The following ERC2 variants were observed in gnomAD, a reference collection of about 807,000 sequenced individuals.
ERC2 encodes ELKS/RAB6-interacting/CAST family member 2, also known as ERC protein 2.
In ERC2, 42 loss-of-function variants were observed where a neutral mutation model predicts 114.8. The observed-to-expected ratio is 0.37, with a 90% CI of 0.29 to 0.47. The LOEUF (loss-of-function observed/expected upper bound fraction) is 0.47. Among genes scored for constraint, ERC2 ranks in the 20% least tolerant of loss-of-function variants. The pLI, the probability that ERC2 is intolerant of heterozygous loss-of-function variation, is 0.99. For synonymous variants in ERC2, 454 were observed against 425.5 expected, an observed-to-expected ratio of 1.07 and a Z score of -0.82; for missense variants, 939 against 1,150.7, an observed-to-expected ratio of 0.82 and a Z score of 2.66.
chr3:56,382,681 T>G (rs1004585299), intron 2 of ERC2, among the ~76,000 whole-genome samples: 1 of 152,186 alleles, frequency 6.6e-6, no homozygotes, highest in Non-Finnish European at 1.5e-5. Context: ...CTCTTAATGT[T>G]GCAATATCGC....
At chr3:56,000,550 C>T (rs2071957983) in intron 10 of ERC2, among the ~76,000 whole-genome samples, 1 of 152,186 alleles carries the variant, frequency 6.6e-6, no homozygotes, top group South Asian at 2.1e-4. Flanking sequence ...AAAACCTCAA[C>T]TTCAGTAGTT....
chr3:55,802,966 A>G (rs1431420015), intron 14 of ERC2, among the ~76,000 whole-genome samples: 1 of 152,230 alleles, frequency 6.6e-6, no homozygotes, highest in Non-Finnish European at 1.5e-5. Flanking sequence ...TTGACCGTAT[A>G]TCATTACGAT....
rs75428843 is a variant in ERC2, at chr3:55,872,661, C to T, written c.2564+15728G>A. ...GTTTATGTCCCCAGAGAAAAGAAAACGGCTCTGATTGATGGCCAAGTGTCC... is the reference window on the plus strand; with the variant it reads ...GTTTATGTCCCCAGAGAAAAGAAAATGGCTCTGATTGATGGCCAAGTGTCC... On this transcript the variant is annotated intron_variant, in intron 14 of 17. Coordinates refer to ENST00000288221, the MANE Select transcript of ERC2 (RefSeq NM_015576.3). Among the ~76,000 whole-genome samples the T allele has an allele frequency of 3.3e-4, 51 of 152,256 alleles. No homozygotes were observed. The East Asian group carries it at 5.8e-3, about 17-fold the overall frequency.
chr3:56,045,190 T>A (rs1006925612), intron 7 of ERC2, among the ~76,000 whole-genome samples: 1 of 152,198 alleles, frequency 6.6e-6, no homozygotes, highest in Non-Finnish European at 1.5e-5. Context: ...CATTTTACCC[T>A]CATCAGACTA....
chr3:55,767,832 T>C (rs1392444138), intron 14 of ERC2, among the ~76,000 whole-genome samples: 1 of 152,192 alleles, frequency 6.6e-6, no homozygotes, highest in East Asian at 1.9e-4. Context: ...TCAACAAACA[T>C]TTGGGGGTCT....
At chr3:56,442,231 T>A (rs2062350070) in intron 1 of ERC2, among the ~76,000 whole-genome samples, 1 of 152,104 alleles carries the variant, frequency 6.6e-6, no homozygotes. Flanking sequence ...TTTTTTTATT[T>A]ATTTTTAAGG....
intron 17 of ERC2, among the ~76,000 whole-genome samples, chr3:55,597,116 C>T (rs183526502): frequency 2.6e-5 from 4 of 152,260 alleles, no homozygotes; most frequent in Admixed American, 2.0e-4. Context: ...ATCTGCACTT[C>T]TGTGTTAAAA....
intron 17 of ERC2, among the ~76,000 whole-genome samples, chr3:55,663,387 G>T (rs1054143223): frequency 1.3e-5 from 2 of 152,232 alleles, no homozygotes; most frequent in African/African-American, 4.8e-5. Context: ...AGTGGGGCTA[G>T]AATCGATGAT....
chr3:55,571,585 C>T (rs1218855513), intron 17 of ERC2, among the ~76,000 whole-genome samples: 1 of 152,206 alleles, frequency 6.6e-6, no homozygotes. Flanking sequence ...GCCTTGCTCG[C>T]CTTTCCCACA....
rs143300408 is a variant in ERC2, at chr3:55,758,100, T to C, written c.2565-23182A>G. Among the ~76,000 whole-genome samples, 170 of 152,316 alleles carry C rather than the reference T, an allele frequency of 1.1e-3. No homozygotes were observed. In the East Asian group the frequency reaches 0.028, roughly 25 times the overall value. ...AGCTATCCAATATTTCCCAGCAATTTTGTGAATTGTGCCAGGTGATTCCAA... is the reference window on the plus strand; with the variant it reads ...AGCTATCCAATATTTCCCAGCAATTCTGTGAATTGTGCCAGGTGATTCCAA... On this transcript the variant is annotated intron_variant, in intron 14 of 17. Coordinates refer to ENST00000288221, the MANE Select transcript of ERC2 (RefSeq NM_015576.3).
intron 6 of ERC2, among the ~76,000 whole-genome samples, chr3:56,085,207 C>A (rs1489772616): frequency 6.6e-6 from 1 of 152,112 alleles, no homozygotes; most frequent in Non-Finnish European, 1.5e-5. Flanking sequence ...TTGCTCCTTG[C>A]CAAGAAAGGG....
chr3:55,784,450 C>T (rs1240169761), intron 14 of ERC2, among the ~76,000 whole-genome samples: 1 of 152,110 alleles, frequency 6.6e-6, no homozygotes. Context: ...AAAAGGCTGC[C>T]TAGTGAGGTC....
intron 2 of ERC2, among the ~76,000 whole-genome samples, chr3:56,311,230 CTTCTCTCTCT>C (rs2056519944): frequency 6.8e-5 from 2 of 29,234 alleles, no homozygotes; most frequent in African/African-American, 2.3e-4. Context: ...TATCCATCAT[CTTCTCTCTCT>C]CTCTCTCTCT....
chr3:55,572,168 C>T (rs1018812944), intron 17 of ERC2, among the ~76,000 whole-genome samples: 5 of 152,190 alleles, frequency 3.3e-5, no homozygotes, highest in African/African-American at 9.6e-5. Context: ...ACAAAGACAG[C>T]GGCCAGGGAG....
intron 2 of ERC2, among the ~76,000 whole-genome samples, chr3:56,325,513 T>G (rs906718664): frequency 1.3e-5 from 2 of 152,138 alleles, no homozygotes; most frequent in African/African-American, 4.8e-5. Context: ...AACCAGGAGA[T>G]AGTCAATAAA....
At chr3:55,589,499 A>C (rs1412874741) in intron 17 of ERC2, among the ~76,000 whole-genome samples, 1 of 152,182 alleles carries the variant, frequency 6.6e-6, no homozygotes, top group African/African-American at 2.4e-5. Flanking sequence ...CATAACCATG[A>C]GTACTGGCCT....
intron 3 of ERC2, among the ~76,000 whole-genome samples, chr3:56,225,581 C>G (rs1259435686): frequency 6.6e-6 from 1 of 152,184 alleles, no homozygotes; most frequent in Non-Finnish European, 1.5e-5. Flanking sequence ...AATTTCTAAT[C>G]TGCAGCAAAA....
rs146931623 is a variant in ERC2, at chr3:55,757,944, T to C, written c.2565-23026A>G. 5.1e-4 allele frequency among the ~76,000 whole-genome samples: 78 copies of C among 152,218 alleles called. 1 individual carries two copies. Among genetic ancestry groups the C allele is most frequent in the African/African-American group, 1.9e-3 (77 of 41,562 alleles). ...AATCAAGATAAATATCATATATATA[T>C]ATACATTTATACCTCTGAGTTCTTA... is the stretch of plus-strand genomic sequence containing the variant. On this transcript the variant is annotated intron_variant, in intron 14 of 17. Coordinates refer to ENST00000288221, the MANE Select transcript of ERC2 (RefSeq NM_015576.3).
At chr3:56,413,387 C>T (rs1459247323) in intron 2 of ERC2, among the ~76,000 whole-genome samples, 2 of 152,208 alleles carry the variant, frequency 1.3e-5, no homozygotes, top group Non-Finnish European at 1.5e-5. Context: ...ACCTGATCTC[C>T]CCCTGAGCAT....
Sources: gnomAD v4.1 joint callset for allele counts (sites outside exome capture counted in the v4.1 genomes callset) on GRCh38, gnomAD v4.1.1 for gene constraint, MANE v1.5 for transcripts, NCBI Gene and HGNC (gene_info 2026-07-23, HGNC 2026-07-21) for gene names.